Variants in SANBR observed in about 807,000 individuals in gnomAD.
SANBR encodes the protein SANT and BTB domain regulator of class switch recombination.
Under a neutral mutation model 101.8 loss-of-function variants are expected in SANBR, and 77 were observed. The observed-to-expected ratio is 0.76, with a 90% CI of 0.63 to 0.91. SANBR has a LOEUF of 0.91. Among genes scored for constraint, SANBR ranks in the 40% least tolerant of loss-of-function variants. The pLI is 0.00. For synonymous variants in SANBR, 279 were observed against 274.7 expected, an observed-to-expected ratio of 1.02 and a Z score of -0.15; for missense variants, 875 against 853.0, an observed-to-expected ratio of 1.03 and a Z score of -0.32.
intron 14 of SANBR, among the ~76,000 whole-genome samples, chr2:61,107,663 G>T (rs1683638722): frequency 6.6e-6 from 1 of 152,068 alleles, no homozygotes; most frequent in Admixed American, 6.6e-5. Context: ...CTGCACTTTG[G>T]GAGGCTGAGA....
At position 61,123,887 on chromosome 2, in the gene SANBR, T is replaced by C. The variant is rs1420508982; in HGVS notation, c.*1725T>C. 2 of 666,342 alleles carry C rather than the reference T, an allele frequency of 3.0e-6. No individual in the cohort carries two copies. The highest frequency in any genetic ancestry group is 3.7e-6 in the Non-Finnish European group (2 of 538,786). The allele number at this position is 666,342 out of a possible 1,614,324, so 41.3% of individuals were successfully genotyped here. ...CGGGCAGATCACCTGAGGTCAGGAG[T>C]TTGAGACCAGCCTGGCCAACGTGGT... On this transcript the variant is annotated 3_prime_UTR_variant, in exon 22 of 22. Coordinates refer to ENST00000402291, the MANE Select transcript of SANBR (RefSeq NM_001129993.3).
At chr2:61,090,672 A>G (rs1397066065) in intron 10 of SANBR, 2 of 153,444 alleles carry the variant, frequency 1.3e-5, no homozygotes, top group African/African-American at 2.4e-5. Context: ...GTGCATCACC[A>G]TGCCTGGCAA....
At chr2:61,121,088 A>G in intron 20 of SANBR, 97 bp from the exon 21 acceptor site, 2 of 899,318 alleles carry the variant, frequency 2.2e-6, no homozygotes, top group Non-Finnish European at 3.4e-6. Flanking sequence ...AAAAATCAAA[A>G]TAAAATTACT....
chr2:61,132,461 A>G (rs1684717169), intron 20 of SANBR, among the ~76,000 whole-genome samples: 1 of 152,254 alleles, frequency 6.6e-6, no homozygotes, highest in African/African-American at 2.4e-5. Context: ...TCAAAACCAC[A>G]GTGAGATATC....
At chr2:61,073,792 A>T (rs1051981670) in intron 5 of SANBR, among the ~76,000 whole-genome samples, 1 of 151,980 alleles carries the variant, frequency 6.6e-6, no homozygotes, top group African/African-American at 2.4e-5. Flanking sequence ...ATTAGAAGTA[A>T]TATCTCTTAA....
chr2:61,085,300 A>C (rs1183731559), intron 8 of SANBR, among the ~76,000 whole-genome samples: 1 of 151,068 alleles, frequency 6.6e-6, no homozygotes, highest in Non-Finnish European at 1.5e-5. Context: ...TCTTGAATTA[A>C]TTTTTTTTTG....
Position 61,123,789 on chromosome 2 carries a change from G to T in SANBR, c.*1627G>T, listed in dbSNP as rs1486951248. On this transcript the variant is annotated 3_prime_UTR_variant, in exon 22 of 22. Transcript: ENST00000402291. ...TACAAACCAGAGTTTATCAGAATTT[G>T]ATTCTCTTCAGAATGCTTTTGGCCA... The T allele has an allele frequency of 2.0e-6, 2 of 985,422 alleles. No homozygotes were observed. The allele number at this position is 985,422 out of a possible 1,614,324, so 61.0% of individuals were successfully genotyped here.
chr2:61,117,190 G>C, intron 17 of SANBR, 167 bp from the exon 18 acceptor site: 1 of 639,964 alleles, frequency 1.6e-6, no homozygotes. Context: ...GATATTAATA[G>C]TGCCTGTCTC....
At position 61,091,430 on chromosome 2, in the gene SANBR, A is replaced by G. The variant is rs182394631; in HGVS notation, c.1089-1034A>G. Among the ~76,000 whole-genome samples, 59 of 151,916 alleles carry G rather than the reference A, an allele frequency of 3.9e-4. 1 individual carries two copies. The highest frequency in any genetic ancestry group is 7.2e-4 in the Non-Finnish European group (49 of 67,940). On this transcript the variant is annotated intron_variant, in intron 10 of 21. Transcript: ENST00000402291. ...AATGTGGTAAAACCCCGTCTCTACT[A>G]AAAAAATACAAAAATTAGCCAGGCA... is the stretch of plus-strand genomic sequence containing the variant.
intron 5 of SANBR, among the ~76,000 whole-genome samples, chr2:61,074,781 C>G (rs2104852914): frequency 6.6e-6 from 1 of 152,192 alleles, no homozygotes; most frequent in Middle Eastern, 3.4e-3. Flanking sequence ...CTGAAATAAT[C>G]TAATATTTTA....
downstream of SANBR, among the ~76,000 whole-genome samples, chr2:61,126,481 A>G (rs558729464): frequency 3.9e-5 from 6 of 152,226 alleles, no homozygotes; most frequent in Admixed American, 3.3e-4. Context: ...GCTTAACACT[A>G]ATAGCATCCC....
intron 4 of SANBR, among the ~76,000 whole-genome samples, chr2:61,072,821 CTTTTTTTTTT>C (rs70959893): frequency 0.018 from 578 of 31,682 alleles, 4 homozygotes; most frequent in African/African-American, 0.072. Context: ...TCTCATGTTA[CTTTTTTTTTT>C]TTTTTTTTTT....
intron 12 of SANBR, 105 bp downstream of exon 12, chr2:61,097,957 G>T (rs941571649): frequency 1.2e-5 from 11 of 898,668 alleles, no homozygotes; most frequent in Non-Finnish European, 1.8e-5. Flanking sequence ...GTAAGAAGCC[G>T]TTCCTCTTTA....
rs200989609 is a variant in SANBR at position 61,117,324 on chromosome 2, A to G, written c.1837-33A>G. On this transcript the variant is annotated intron_variant, in intron 17 of 21. Transcript: ENST00000402291. ...TAGCACTAATCAGTAAACATGTTCT[A>G]ATTGGGCCTTAATGTTGTCTACTTT... 705 of 1,598,744 alleles carry G rather than the reference A, an allele frequency of 4.4e-4. 1 individual carries two copies. Among genetic ancestry groups the G allele is most frequent in the Middle Eastern group, 1.7e-4 (1 of 5,916 alleles).
chr2:61,068,116 A>G (rs1260822647), intron 1 of SANBR, among the ~76,000 whole-genome samples: 1 of 152,210 alleles, frequency 6.6e-6, no homozygotes, highest in Admixed American at 6.5e-5. Flanking sequence ...CAGCCCATCA[A>G]AGAAATCATA....
chr2:61,108,062 G>A (rs1210992075), intron 14 of SANBR, among the ~76,000 whole-genome samples: 1 of 152,060 alleles, frequency 6.6e-6, no homozygotes, highest in Non-Finnish European at 1.5e-5. Flanking sequence ...TAATTTTCTT[G>A]TACGTGATTT....
chr2:61,066,264 C>A (rs1214079188), intron 1 of SANBR: 1 of 152,554 alleles, frequency 6.6e-6, no homozygotes, highest in Admixed American at 6.6e-5. Flanking sequence ...CCGTCCCGCC[C>A]GCGCACAGCG....
downstream of SANBR, among the ~76,000 whole-genome samples, chr2:61,128,004 G>A (rs908459029): frequency 6.6e-6 from 1 of 152,198 alleles, no homozygotes; most frequent in African/African-American, 2.4e-5. Context: ...CCAGCACAGT[G>A]GCTCACGCCT....
intron 12 of SANBR, among the ~76,000 whole-genome samples, chr2:61,098,313 A>G (rs1470736288): frequency 5.3e-5 from 8 of 152,068 alleles, no homozygotes; most frequent in Non-Finnish European, 1.5e-5. Flanking sequence ...CATGTTGCCC[A>G]GGCTGGTCTC....
Sources: gnomAD v4.1 joint callset for allele counts (sites outside exome capture counted in the v4.1 genomes callset) on GRCh38, gnomAD v4.1.1 for gene constraint, MANE v1.5 for transcripts, NCBI Gene and HGNC (gene_info 2026-07-23, HGNC 2026-07-21) for gene names.